The following EGLN3 variants were observed in gnomAD, a reference collection of about 807,000 sequenced individuals.
The protein encoded by EGLN3 is egl-9 family hypoxia inducible factor 3.
A neutral mutation model predicts 26.0 loss-of-function variants in EGLN3; 15 were observed. The observed-to-expected ratio is 0.58, with a 90% CI of 0.39 to 0.89. The LOEUF (loss-of-function observed/expected upper bound fraction) is 0.89, where lower values mean the gene tolerates loss of function less well. Ranked by LOEUF, EGLN3 falls within the 40% of genes least tolerant of loss-of-function variation. The probability of loss-of-function intolerance (pLI) is 0.00; values close to 1 mark genes in which losing one functional copy is unlikely to be tolerated. For missense variants in EGLN3, 238 were observed against 311.6 expected, an observed-to-expected ratio of 0.76 and a Z score of 1.78; for synonymous variants, 147 against 127.2, an observed-to-expected ratio of 1.16 and a Z score of -1.05.
intron 1 of EGLN3, among the ~76,000 whole-genome samples, chr14:33,940,400 T>A (rs570070179): frequency 1.3e-5 from 2 of 152,280 alleles, no homozygotes; most frequent in South Asian, 4.2e-4. Context: ...TTTTTAGTTT[T>A]AGCAATAAAT....
intron 1 of EGLN3, among the ~76,000 whole-genome samples, chr14:33,943,966 T>G (rs1400608075): frequency 6.6e-6 from 1 of 152,194 alleles, no homozygotes; most frequent in Non-Finnish European, 1.5e-5. Flanking sequence ...GAGACAGGCT[T>G]GCATAACTCC....
At chr14:33,927,088 C>T in intron 3 of EGLN3, 55 bp from the exon 4 acceptor site, 1 of 1,273,048 alleles carries the variant, frequency 7.9e-7, no homozygotes, top group Non-Finnish European at 1.1e-6. Flanking sequence ...ACTAGAAACA[C>T]AAATGTCCTA....
intron 1 of EGLN3, among the ~76,000 whole-genome samples, chr14:33,940,486 AT>A (rs983216121): frequency 1.3e-5 from 2 of 152,080 alleles, no homozygotes; most frequent in Non-Finnish European, 2.9e-5. Context: ...CACCATCCCT[AT>A]CTAATCTCTT....
intron 3 of EGLN3, among the ~76,000 whole-genome samples, chr14:33,928,601 G>A (rs912043494): frequency 1.1e-4 from 16 of 152,102 alleles, no homozygotes; most frequent in African/African-American, 3.9e-4. Flanking sequence ...TTCAAACCAA[G>A]GAAAAGACAA....
In EGLN3 at chr14:33,935,030, C is replaced by A. The variant is rs147692562; in HGVS notation, c.358-3815G>T. Among the ~76,000 whole-genome samples, 468 of 152,276 alleles carry A rather than the reference C, an allele frequency of 3.1e-3. 3 individuals carry two copies. The highest frequency in any genetic ancestry group is 0.011 in the African/African-American group (445 of 41,558). On this transcript the variant is annotated intron_variant, in intron 1 of 4. Transcript: ENST00000250457. ...GCTGCTAAGTAGAAATACCAGCCAACCTTTGTAAGGATTCATTTTGAATTA... is the reference window on the plus strand; with the variant it reads ...GCTGCTAAGTAGAAATACCAGCCAAACTTTGTAAGGATTCATTTTGAATTA...
intron 1 of EGLN3, among the ~76,000 whole-genome samples, chr14:33,935,544 A>C (rs1566598784): frequency 1.3e-5 from 2 of 151,208 alleles, no homozygotes; most frequent in Non-Finnish European, 2.9e-5. Context: ...AACTCTCCTG[A>C]ATATTGTTGA....
In EGLN3 at chr14:33,929,168, GA is replaced by G; in HGVS notation, c.521del (p.Phe174SerfsTer2). On this transcript the variant is annotated frameshift_variant, in exon 3 of 5. Coordinates refer to ENST00000250457, the MANE Select transcript of EGLN3 (RefSeq NM_022073.4). LOFTEE classifies it high-confidence loss of function. ...CAAAAATGGGCTCCACATCTGCTAT[GA>G]ATGATTTCCCCTCTGGAAATATCCG... ...ILRIFPEGKS[F>X]IADVEPIFDR... is the part of the protein sequence containing the mutation. 1 of 1,614,208 alleles carries G rather than the reference GA, an allele frequency of 6.2e-7. No homozygotes were observed. Among genetic ancestry groups the G allele is most frequent in the South Asian group, 1.1e-5 (1 of 91,080 alleles).
chr14:33,934,089 A>G (rs1186609420), intron 1 of EGLN3, among the ~76,000 whole-genome samples: 1 of 152,214 alleles, frequency 6.6e-6, no homozygotes, highest in Non-Finnish European at 1.5e-5. Flanking sequence ...GTATAGTCCT[A>G]TAGTTCTATT....
intron 1 of EGLN3, among the ~76,000 whole-genome samples, chr14:33,946,466 T>C (rs955577698): frequency 6.6e-6 from 1 of 152,180 alleles, no homozygotes; most frequent in African/African-American, 2.4e-5. Context: ...CCCACTTCAA[T>C]GTTTGAGGGT....
Position 33,928,944 on chromosome 14 carries a change from C to T in EGLN3, c.614+132G>A, listed in dbSNP as rs1025952580. 1.1e-5 allele frequency: 13 copies of T among 1,133,662 alleles called. No homozygotes were observed. The African/African-American group carries it at 1.7e-4, about 15-fold the overall frequency. 70.2% of individuals were successfully genotyped at this position (1,133,662 alleles called of 1,614,324 possible). A position where few individuals can be genotyped will look rare whatever the true frequency, so the allele number is the denominator to read the frequency against. ...GTTTCCCCTTTAATTTTTGTAGACT[C>T]CAAACAAGTTTGCTATCAGCTATGG... On this transcript the variant is annotated intron_variant, in intron 3 of 4. Transcript: ENST00000250457.
At chr14:33,943,490 G>A (rs560820488) in intron 1 of EGLN3, among the ~76,000 whole-genome samples, 1 of 152,364 alleles carries the variant, frequency 6.6e-6, no homozygotes, top group South Asian at 2.1e-4. Context: ...AGGAATTGTG[G>A]AGTCTGTTGC....
At position 33,950,586 on chromosome 14, in the gene EGLN3, A is replaced by C. The variant is rs1304432969; in HGVS notation, c.167T>G (p.Leu56Arg). 1 of 1,612,314 alleles carries C rather than the reference A, an allele frequency of 6.2e-7. No homozygotes were observed. The highest frequency in any genetic ancestry group is 8.5e-7 in the Non-Finnish European group (1 of 1,179,194). ...RVKQLHCTGA[L>R]RDGQLAGPRA... ...CGGCCCCGCCAGCTGGCCGTCCCGC[A>C]GGGCCCCGGTGCAGTGCAGCTGCTT... is the stretch of plus-strand genomic sequence containing the variant. Residue 56 changes from leucine to arginine, a missense_variant, in exon 1 of 5, where the codon CTG becomes CGG. By Grantham distance (102) the Leu-to-Arg change is moderately radical (BLOSUM62 -2). Coordinates refer to ENST00000250457, the MANE Select transcript of EGLN3 (RefSeq NM_022073.4).
intron 1 of EGLN3, among the ~76,000 whole-genome samples, chr14:33,939,075 G>C (rs1183925863): frequency 6.6e-6 from 1 of 152,016 alleles, no homozygotes; most frequent in Non-Finnish European, 1.5e-5. Flanking sequence ...ATTTTCATCT[G>C]AACTTAATCC....
rs752543787 is a variant in EGLN3 at position 33,931,159 on chromosome 14, G to T, written c.414C>A (p.Asn138Lys). The part of the protein sequence containing the change: ...NGTGYVRHVD[N>K]PNGDGRCITC... Reference sequence around the variant, plus strand: ...TGATGCAGCGACCATCACCGTTGGGGTTGTCCACGTGGCGAACATAACCTG... The same window carrying T: ...TGATGCAGCGACCATCACCGTTGGGTTTGTCCACGTGGCGAACATAACCTG... Residue 138 changes from asparagine to lysine, a missense_variant, in exon 2 of 5, where the codon AAC (asparagine) becomes AAA (lysine). By Grantham distance (94) the Asn-to-Lys change is moderately conservative. Transcript: ENST00000250457. 1.2e-6 allele frequency: 2 copies of T among 1,614,076 alleles called. No individual in the cohort carries two copies. Among genetic ancestry groups the T allele is most frequent in the Non-Finnish European group, 1.7e-6 (2 of 1,180,034 alleles).
At chr14:33,932,072 C>A (rs762197861) in intron 1 of EGLN3, among the ~76,000 whole-genome samples, 1 of 152,156 alleles carries the variant, frequency 6.6e-6, no homozygotes, top group Non-Finnish European at 1.5e-5. Context: ...AAAGCCAGTT[C>A]TTTTCTTCAC....
In EGLN3 at chr14:33,950,666, G is replaced by A. The variant is rs752377366; in HGVS notation, c.87C>T (p.Cys29=). The A allele has an allele frequency of 1.9e-6, 3 of 1,614,066 alleles. No homozygotes were observed. Among genetic ancestry groups the A allele is most frequent in the Non-Finnish European group, 2.5e-6 (3 of 1,179,974 alleles). Reference sequence around the variant, plus strand: ...CCTCGCCCAGGAAGTTGTCCAGGTAGCAGAAGCCCACCTCGTGCAGACAGG... The same window carrying A: ...CCTCGCCCAGGAAGTTGTCCAGGTAACAGAAGCCCACCTCGTGCAGACAGG... ...IVPCLHEVGF[C]YLDNFLGEVV... Residue 29 remains cysteine, a synonymous_variant, in exon 1 of 5, where the codon TGC becomes TGT. Coordinates refer to ENST00000250457, the MANE Select transcript of EGLN3 (RefSeq NM_022073.4).
At chr14:33,947,858 C>A (rs975298883) in intron 1 of EGLN3, among the ~76,000 whole-genome samples, 54 of 151,878 alleles carry the variant, frequency 3.6e-4, no homozygotes, top group African/African-American at 1.1e-3. Context: ...GAGACCAGCC[C>A]GGCCAACATG....
chr14:33,937,854 A>C (rs370798250), intron 1 of EGLN3, among the ~76,000 whole-genome samples: 7 of 152,340 alleles, frequency 4.6e-5, no homozygotes, highest in Admixed American at 1.3e-4. Context: ...ATAAAAAATA[A>C]GAAGTAATAA....
At chr14:33,933,847 G>A (rs1369963837) in intron 1 of EGLN3, among the ~76,000 whole-genome samples, 2 of 152,070 alleles carry the variant, frequency 1.3e-5, no homozygotes, top group South Asian at 2.1e-4. Flanking sequence ...ATCAAGCCGG[G>A]GAAGGGATTT....
Sources: gnomAD v4.1 joint callset for allele counts (sites outside exome capture counted in the v4.1 genomes callset) on GRCh38, gnomAD v4.1.1 for gene constraint, MANE v1.5 for transcripts, NCBI Gene and HGNC (gene_info 2026-07-23, HGNC 2026-07-21) for gene names.